Variants in TLCD4 observed in about 807,000 individuals in gnomAD.
The protein encoded by TLCD4 is TLC domain containing 4.
A neutral mutation model predicts 24.2 loss-of-function variants in TLCD4; 7 were observed. That is an observed-to-expected ratio of 0.29 (90% CI 0.16 to 0.54). TLCD4 has a LOEUF of 0.54. Ranked by LOEUF, TLCD4 falls within the 20% of genes least tolerant of loss-of-function variation. The pLI is 0.95. For missense variants in TLCD4, 259 were observed against 313.9 expected, an observed-to-expected ratio of 0.82 and a Z score of 1.32; for synonymous variants, 103 against 106.4, an observed-to-expected ratio of 0.97 and a Z score of 0.20.
chr1:95,179,907 T>A (rs1678571314), intron 6 of TLCD4, among the ~76,000 whole-genome samples: 1 of 152,250 alleles, frequency 6.6e-6, no homozygotes, highest in Non-Finnish European at 1.5e-5. Flanking sequence ...AACCCATCTC[T>A]TTCCAGGCTG....
chr1:95,173,328 G>A (rs1389445710), intron 5 of TLCD4, among the ~76,000 whole-genome samples: 1 of 105,888 alleles, frequency 9.4e-6, no homozygotes, highest in Non-Finnish European at 1.9e-5. Flanking sequence ...TTTTTTTTTT[G>A]AGACGGAGTC....
At chr1:95,161,185 G>C (rs1677786963) in intron 5 of TLCD4, among the ~76,000 whole-genome samples, 1 of 152,168 alleles carries the variant, frequency 6.6e-6, no homozygotes, top group Non-Finnish European at 1.5e-5. Context: ...TTCAGAGCCT[G>C]TTATTGGTCT....
intron 6 of TLCD4, among the ~76,000 whole-genome samples, chr1:95,183,298 G>A (rs560611958): frequency 6.6e-6 from 1 of 152,076 alleles, no homozygotes; most frequent in African/African-American, 2.4e-5. Flanking sequence ...TAGAGAATAC[G>A]GACAAGTTTA....
the TLCD4 span, among the ~76,000 whole-genome samples, chr1:95,106,741 A>T: frequency 6.6e-6 from 1 of 152,084 alleles, no homozygotes; most frequent in African/African-American, 2.4e-5. Context: ...ATAAAAAATT[A>T]TTAATATATT....
chr1:95,107,147 G>A, the TLCD4 span, among the ~76,000 whole-genome samples: 1 of 152,174 alleles, frequency 6.6e-6, no homozygotes, highest in East Asian at 1.9e-4. Flanking sequence ...TTTTAGGCCG[G>A]GCGCGGTGGC....
intron 5 of TLCD4, 136 bp downstream of exon 5, chr1:95,151,555 G>A: frequency 1.0e-6 from 1 of 980,230 alleles, no homozygotes; most frequent in Non-Finnish European, 1.5e-6. Context: ...TTGCTTTTGT[G>A]GTATGCTATC....
intron 1 of TLCD4, among the ~76,000 whole-genome samples, chr1:95,124,100 C>G (rs1458731730): frequency 6.6e-6 from 1 of 152,132 alleles, no homozygotes; most frequent in Non-Finnish European, 1.5e-5. Flanking sequence ...TGCACATTGA[C>G]TATAGTATCT....
At chr1:95,145,964 C>G (rs1677334618) in intron 2 of TLCD4, among the ~76,000 whole-genome samples, 1 of 152,048 alleles carries the variant, frequency 6.6e-6, no homozygotes, top group Non-Finnish European at 1.5e-5. Flanking sequence ...CTCACTCCAG[C>G]TTTTTTTACA....
chr1:95,132,980 G>C (rs1676936239), intron 1 of TLCD4, among the ~76,000 whole-genome samples: 1 of 152,152 alleles, frequency 6.6e-6, no homozygotes. Flanking sequence ...GACAACAGTG[G>C]AGTGTGGTGA....
At chr1:95,171,703 A>C (rs573903383) in intron 5 of TLCD4, among the ~76,000 whole-genome samples, 3 of 152,290 alleles carry the variant, frequency 2.0e-5, no homozygotes, top group African/African-American at 7.2e-5. Flanking sequence ...GACAGAGGGA[A>C]AGACACATAA....
chr1:95,177,917 A>C (rs1296338947), intron 6 of TLCD4, among the ~76,000 whole-genome samples: 1 of 148,938 alleles, frequency 6.7e-6, no homozygotes, highest in African/African-American at 2.5e-5. Flanking sequence ...GCCTGGATCA[A>C]CTGTCTTTTT....
At chr1:95,186,479 G>A (rs375112392) in intron 6 of TLCD4, among the ~76,000 whole-genome samples, 4 of 152,226 alleles carry the variant, frequency 2.6e-5, no homozygotes, top group Admixed American at 1.3e-4. Flanking sequence ...AAGTGAAAGC[G>A]TGGAGGCTGA....
At chr1:95,101,092 G>A in the TLCD4 span, among the ~76,000 whole-genome samples, 1 of 151,840 alleles carries the variant, frequency 6.6e-6, no homozygotes, top group Non-Finnish European at 1.5e-5. Context: ...ATTTTTAGTA[G>A]AGATGGTGGT....
chr1:95,130,133 A>G (rs1424453789), intron 1 of TLCD4, among the ~76,000 whole-genome samples: 1 of 152,074 alleles, frequency 6.6e-6, no homozygotes, highest in Non-Finnish European at 1.5e-5. Context: ...TGAGTAGTTG[A>G]CATTCTTTTT....
At position 95,192,828 on chromosome 1, in the gene TLCD4, T is replaced by A. The variant is rs375784666; in HGVS notation, c.*960T>A. 1 of 152,198 alleles carries A rather than the reference T, an allele frequency of 6.6e-6. No homozygotes were observed. The highest frequency in any genetic ancestry group is 6.5e-5 in the Admixed American group (1 of 15,286). The allele number at this position is 152,198 out of a possible 1,614,324, so 9.4% of individuals were successfully genotyped here. A position where few individuals can be genotyped will look rare whatever the true frequency, so the allele number is the denominator to read the frequency against. On this transcript the variant is annotated 3_prime_UTR_variant, in exon 7 of 7. Coordinates refer to ENST00000370203, the MANE Select transcript of TLCD4 (RefSeq NM_152487.3). ...CACTGTCATTTCTATTTTAGCATTT[T>A]ATCAAATTATTGCTTTTTTATTTTA...
chr1:95,156,158 A>C (rs892477753), intron 5 of TLCD4, among the ~76,000 whole-genome samples: 2 of 150,122 alleles, frequency 1.3e-5, no homozygotes, highest in African/African-American at 4.8e-5. Context: ...GTTTTACATA[A>C]ATGTTCATAT....
intron 2 of TLCD4, among the ~76,000 whole-genome samples, chr1:95,148,100 T>C (rs764720328): frequency 6.6e-6 from 1 of 152,192 alleles, no homozygotes; most frequent in Non-Finnish European, 1.5e-5. Flanking sequence ...ATAATAATGA[T>C]AAAGAGGGAC....
chr1:95,174,050 G>A, intron 6 of TLCD4, 161 bp downstream of exon 6: 1 of 1,118,462 alleles, frequency 8.9e-7, no homozygotes, highest in Non-Finnish European at 1.2e-6. Context: ...GTTTTGGAAA[G>A]GTTAGAGTAA....
chr1:95,103,384 C>A, the TLCD4 span, among the ~76,000 whole-genome samples: 1 of 152,094 alleles, frequency 6.6e-6, no homozygotes, highest in Non-Finnish European at 1.5e-5. Flanking sequence ...AGATAGAGCT[C>A]GTAGAAGTTC....
Sources: gnomAD v4.1 joint callset for allele counts (sites outside exome capture counted in the v4.1 genomes callset) on GRCh38, gnomAD v4.1.1 for gene constraint, MANE v1.5 for transcripts, NCBI Gene and HGNC (gene_info 2026-07-23, HGNC 2026-07-21) for gene names.